The following PLEKHG1 variants were observed in gnomAD, a reference collection of about 807,000 sequenced individuals.
PLEKHG1 encodes the protein pleckstrin homology domain-containing family G member 1.
Under a neutral mutation model 100.8 loss-of-function variants are expected in PLEKHG1, and 44 were observed. The ratio of observed to expected loss-of-function variants is 0.44; its 90% confidence interval spans 0.34 to 0.56. PLEKHG1 has a LOEUF of 0.56. Among genes scored for constraint, PLEKHG1 ranks in the 20% least tolerant of loss-of-function variants. PLEKHG1 has a pLI of 0.01. For missense variants in PLEKHG1, 1,545 were observed against 1,720.9 expected, an observed-to-expected ratio of 0.90 and a Z score of 1.81; for synonymous variants, 640 against 662.5, an observed-to-expected ratio of 0.97 and a Z score of 0.52.
intron 1 of PLEKHG1, among the ~76,000 whole-genome samples, chr6:150,628,575 C>CACACACACACACACACACACACACACAT (rs754227842): frequency 0.014 from 1,973 of 137,322 alleles, 127 homozygotes; most frequent in Middle Eastern, 0.038. Flanking sequence ...CACACACACA[C>CACACACACACACACACACACACACACAT]ACCCCGTCCT....
intron 12 of PLEKHG1, among the ~76,000 whole-genome samples, chr6:150,820,349 C>T (rs997813417): frequency 3.3e-5 from 5 of 152,154 alleles, no homozygotes. Flanking sequence ...AAATCACGTC[C>T]TATGAGTGAC....
intron 3 of PLEKHG1, among the ~76,000 whole-genome samples, chr6:150,689,791 G>T (rs1780273765): frequency 6.6e-6 from 1 of 151,242 alleles, no homozygotes; most frequent in South Asian, 2.1e-4. Context: ...GGAGGCAGAG[G>T]TTGCAGTGAG....
chr6:150,822,929 G>A (rs1488014845), intron 13 of PLEKHG1, among the ~76,000 whole-genome samples: 1 of 152,154 alleles, frequency 6.6e-6, no homozygotes, highest in Non-Finnish European at 1.5e-5. Flanking sequence ...GCAGTGAGCC[G>A]AGATTGTGCC....
At chr6:150,801,583 G>A (rs1354857727) in intron 6 of PLEKHG1, among the ~76,000 whole-genome samples, 1 of 151,578 alleles carries the variant, frequency 6.6e-6, no homozygotes, top group African/African-American at 2.4e-5. Flanking sequence ...GGCTCTAGGT[G>A]TGCACCACCA....
At chr6:150,828,813 G>C (rs1776754631) in intron 14 of PLEKHG1, among the ~76,000 whole-genome samples, 1 of 152,126 alleles carries the variant, frequency 6.6e-6, no homozygotes, top group Non-Finnish European at 1.5e-5. Flanking sequence ...TTTATAAAAA[G>C]TAGTTACTGG....
intron 14 of PLEKHG1, among the ~76,000 whole-genome samples, chr6:150,825,250 A>C (rs1189493196): frequency 6.6e-6 from 1 of 152,194 alleles, no homozygotes; most frequent in African/African-American, 2.4e-5. Context: ...AGGTATATTA[A>C]ATTCAAGGAG....
At chr6:150,637,934 A>G (rs1413078249) in intron 1 of PLEKHG1, 2 of 152,122 alleles carry the variant, frequency 1.3e-5, no homozygotes, top group Non-Finnish European at 2.9e-5. Context: ...TATTGTATGT[A>G]TTAGAGATTT....
At chr6:150,773,110 A>G (rs10080991) in intron 3 of PLEKHG1, among the ~76,000 whole-genome samples, 36,062 of 151,916 alleles carry the variant, frequency 0.24, 6,427 homozygotes, top group African/African-American at 0.49. Flanking sequence ...AATATACTCT[A>G]TTTTTTTCTA....
chr6:150,659,573 C>T (rs1779102603), intron 3 of PLEKHG1, among the ~76,000 whole-genome samples: 1 of 152,174 alleles, frequency 6.6e-6, no homozygotes, highest in African/African-American at 2.4e-5. Context: ...TGGCCCTTGG[C>T]AGACTGTCAA....
intron 3 of PLEKHG1, among the ~76,000 whole-genome samples, chr6:150,777,249 TA>T (rs1460239995): frequency 6.8e-6 from 1 of 147,844 alleles, no homozygotes; most frequent in African/African-American, 2.5e-5. Context: ...TACTCAACAC[TA>T]ATGCAATCCT....
At chr6:150,628,590 C>T (rs1777613350) in intron 1 of PLEKHG1, among the ~76,000 whole-genome samples, 1 of 92,382 alleles carries the variant, frequency 1.1e-5, no homozygotes. Context: ...CGTCCTTGCC[C>T]TCCTGCACTG....
At chr6:150,841,851 A>G (rs1234849735) in exon 16 of PLEKHG1, 5 of 152,210 alleles carry the variant, frequency 3.3e-5, no homozygotes, top group African/African-American at 1.2e-4. Flanking sequence ...CGCTTTGCAC[A>G]TGCACCCTCC....
At chr6:150,709,264 G>A (rs1386168726) in intron 3 of PLEKHG1, among the ~76,000 whole-genome samples, 4 of 152,166 alleles carry the variant, frequency 2.6e-5, no homozygotes, top group Non-Finnish European at 4.4e-5. Context: ...GAACCCAGGA[G>A]GTGGAGGTTT....
intron 13 of PLEKHG1, among the ~76,000 whole-genome samples, chr6:150,822,979 CA>C (rs1776389813): frequency 6.6e-6 from 1 of 151,484 alleles, no homozygotes; most frequent in Admixed American, 6.6e-5. Context: ...GACTCCATCT[CA>C]AAAAAAATAA....
In PLEKHG1 at chr6:150,764,119, T is replaced by TTTC. The variant is rs761620946; in HGVS notation, c.412-4517_412-4516insCTT. ...AGCTTCTCTCCTATTTTCTTTTTCT[T>TTTC]TTTCTTTTTTTTTTTAAGACAGAGT... On this transcript the variant is annotated intron_variant, in intron 2 of 15. Transcript: ENST00000358517. Among the ~76,000 whole-genome samples the TTTC allele has an allele frequency of 9.3e-3, 1,392 of 150,474 alleles. 10 individuals carry two copies. Among genetic ancestry groups the TTTC allele is most frequent in the South Asian group, 0.016 (76 of 4,760 alleles).
At chr6:150,692,894 C>A (rs1780395749) in intron 3 of PLEKHG1, among the ~76,000 whole-genome samples, 1 of 152,164 alleles carries the variant, frequency 6.6e-6, no homozygotes, top group Non-Finnish European at 1.5e-5. Context: ...CATCCAAGGG[C>A]AGGCGTTAGC....
chr6:150,765,410 C>G (rs1406102030), intron 2 of PLEKHG1, among the ~76,000 whole-genome samples: 1 of 150,728 alleles, frequency 6.6e-6, no homozygotes. Context: ...AGGAGAATCG[C>G]TTGAACTTGG....
chr6:150,599,969 C>A, exon 1 of PLEKHG1: 1 of 230,844 alleles, frequency 4.3e-6, no homozygotes, highest in South Asian at 4.0e-5. Context: ...GCACCCTCCC[C>A]GCCCGACCTG....
intron 2 of PLEKHG1, among the ~76,000 whole-genome samples, chr6:150,762,784 C>G (rs1030168602): frequency 6.6e-6 from 1 of 152,138 alleles, no homozygotes; most frequent in African/African-American, 2.4e-5. Context: ...AAAAGAGATT[C>G]ACTTAAGATT....
Sources: allele counts gnomAD v4.1 joint callset (sites outside exome capture counted in the v4.1 genomes callset), GRCh38; gene constraint gnomAD v4.1.1; transcripts MANE v1.5; gene names NCBI Gene and HGNC (gene_info 2026-07-23, HGNC 2026-07-21).